SGCZ: variants seen among roughly 807,000 people sequenced by gnomAD.
SGCZ encodes the protein sarcoglycan zeta, also known as zeta-sarcoglycan.
In SGCZ, 40 loss-of-function variants were observed where a neutral mutation model predicts 41.3. That is an observed-to-expected ratio of 0.97 (90% CI 0.75 to 1.26). SGCZ has a LOEUF of 1.26. SGCZ is among the 50% of genes most tolerant of loss of function. The probability of loss-of-function intolerance (pLI) is 0.00; values close to 1 mark genes in which losing one functional copy is unlikely to be tolerated. For missense variants in SGCZ, 552 were observed against 369.8 expected (o/e 1.49, Z -4.04); for synonymous variants, 206 against 137.5 (o/e 1.50, Z -3.49).
intron 1 of SGCZ, among the ~76,000 whole-genome samples, chr8:15,159,012 G>C (rs1799417303): frequency 6.6e-6 from 1 of 152,112 alleles, no homozygotes; most frequent in African/African-American, 2.4e-5. Context: ...ATCAACAGAT[G>C]GCTGCAATCC....
At chr8:14,824,621 C>T (rs954480415) in intron 1 of SGCZ, among the ~76,000 whole-genome samples, 2 of 151,946 alleles carry the variant, frequency 1.3e-5, no homozygotes, top group African/African-American at 4.8e-5. Context: ...AGACCAAGAA[C>T]CTGCCTTTAC....
chr8:14,526,035 T>G (rs1031361929), intron 2 of SGCZ, among the ~76,000 whole-genome samples: 1 of 152,136 alleles, frequency 6.6e-6, no homozygotes, highest in Admixed American at 6.6e-5. Context: ...TTCTGTAAGA[T>G]ATTTTACCTA....
At chr8:14,104,334 C>T (rs905338673) in intron 6 of SGCZ, among the ~76,000 whole-genome samples, 7 of 151,938 alleles carry the variant, frequency 4.6e-5, no homozygotes, top group Non-Finnish European at 8.8e-5. Flanking sequence ...GTCCCTCTAC[C>T]ACCTGGTTTT....
chr8:14,959,300 T>C (rs1585413524), intron 1 of SGCZ, among the ~76,000 whole-genome samples: 1 of 152,262 alleles, frequency 6.6e-6, no homozygotes, highest in East Asian at 1.9e-4. Context: ...TATTCATGAT[T>C]CCTTTATAAC....
intron 1 of SGCZ, among the ~76,000 whole-genome samples, chr8:14,637,392 C>A (rs559726141): frequency 2.9e-4 from 44 of 151,332 alleles, no homozygotes; most frequent in Non-Finnish European, 5.5e-4. Context: ...CGTGATGCTG[C>A]GGTTTGGAGC....
rs573603216 is a variant in SGCZ at position 14,140,165 on chromosome 8, C to T, written c.547+24415G>A. 5.3e-5 allele frequency among the ~76,000 whole-genome samples: 8 copies of T among 152,272 alleles called. No individual in the cohort carries two copies. The South Asian group carries it at 6.2e-4, about 12-fold the overall frequency. On this transcript the variant is annotated intron_variant, in intron 5 of 7. Transcript: ENST00000382080. Reference sequence around the variant, plus strand: ...GTCAATAAACTAGGTATTGATGGAACGTATCTCAAAATAATAAGAGCTATT... The same window carrying T: ...GTCAATAAACTAGGTATTGATGGAATGTATCTCAAAATAATAAGAGCTATT...
At chr8:15,234,617 G>A (rs561362644) in intron 1 of SGCZ, among the ~76,000 whole-genome samples, 2 of 152,240 alleles carry the variant, frequency 1.3e-5, no homozygotes, top group South Asian at 2.1e-4. Context: ...CCTTTAACAT[G>A]CATATTGTTT....
intron 1 of SGCZ, among the ~76,000 whole-genome samples, chr8:15,068,601 C>T (rs1252914976): frequency 6.6e-6 from 1 of 152,148 alleles, no homozygotes; most frequent in African/African-American, 2.4e-5. Context: ...GTTTTACATC[C>T]ATGCTTGCAT....
intron 1 of SGCZ, among the ~76,000 whole-genome samples, chr8:14,739,534 C>G (rs1799139053): frequency 6.6e-6 from 1 of 151,928 alleles, no homozygotes; most frequent in African/African-American, 2.4e-5. Flanking sequence ...TCAAAAATTA[C>G]CCACACACCA....
chr8:15,235,342 C>T (rs1252785974), intron 1 of SGCZ, among the ~76,000 whole-genome samples: 1 of 152,180 alleles, frequency 6.6e-6, no homozygotes, highest in Non-Finnish European at 1.5e-5. Flanking sequence ...GGATCTCAAA[C>T]ATTTTCTAAT....
chr8:15,177,867 G>A (rs531031130), intron 1 of SGCZ, among the ~76,000 whole-genome samples: 2 of 152,240 alleles, frequency 1.3e-5, no homozygotes, highest in East Asian at 3.9e-4. Flanking sequence ...ACTTGGGGAA[G>A]CTATGAACTC....
chr8:14,493,387 T>TTTTTTTTTTTTTTTTTTTTTTTTTTTG (rs1801902695), intron 2 of SGCZ, among the ~76,000 whole-genome samples: 1 of 101,690 alleles, frequency 9.8e-6, no homozygotes. Flanking sequence ...TTTTTTTTTT[T>TTTTTTTTTTTTTTTTTTTTTTTTTTTG]GATGGAGTCT....
intron 1 of SGCZ, among the ~76,000 whole-genome samples, chr8:14,948,024 G>T (rs1232341064): frequency 6.6e-6 from 1 of 152,156 alleles, no homozygotes; most frequent in Admixed American, 6.6e-5. Context: ...CAAGCCTTCT[G>T]AAACTTCTTC....
chr8:14,599,661 A>G (rs376940364), intron 1 of SGCZ, among the ~76,000 whole-genome samples: 4 of 152,260 alleles, frequency 2.6e-5, no homozygotes, highest in African/African-American at 9.6e-5. Context: ...ATATTCATCT[A>G]TACCCATAAA....
At chr8:14,149,759 T>A (rs1052644222) in intron 5 of SGCZ, among the ~76,000 whole-genome samples, 2 of 151,628 alleles carry the variant, frequency 1.3e-5, no homozygotes, top group Non-Finnish European at 2.9e-5. Flanking sequence ...GAGTAATACA[T>A]CACCTGACTT....
chr8:14,131,907 T>A (rs949450772), intron 5 of SGCZ, among the ~76,000 whole-genome samples: 1 of 152,200 alleles, frequency 6.6e-6, no homozygotes, highest in South Asian at 2.1e-4. Flanking sequence ...GGTTATTTTA[T>A]ATAGTCTAGG....
intron 5 of SGCZ, among the ~76,000 whole-genome samples, chr8:14,122,174 G>C (rs1264541554): frequency 6.6e-6 from 1 of 152,230 alleles, no homozygotes; most frequent in East Asian, 1.9e-4. Flanking sequence ...CTACTCGGGA[G>C]GCTGAGGCAG....
At chr8:14,578,382 C>T (rs896438289) in intron 1 of SGCZ, among the ~76,000 whole-genome samples, 1 of 152,132 alleles carries the variant, frequency 6.6e-6, no homozygotes, top group Non-Finnish European at 1.5e-5. Flanking sequence ...AGCATGGGCT[C>T]CTCTCTTCCT....
At chr8:15,108,407 C>T (rs915511376) in intron 1 of SGCZ, among the ~76,000 whole-genome samples, 128 of 152,156 alleles carry the variant, frequency 8.4e-4, no homozygotes, top group African/African-American at 3.0e-3. Flanking sequence ...TATCTTTACA[C>T]ACCTGTAATC....
Sources: gnomAD v4.1 joint callset for allele counts (sites outside exome capture counted in the v4.1 genomes callset) on GRCh38, gnomAD v4.1.1 for gene constraint, MANE v1.5 for transcripts, NCBI Gene and HGNC (gene_info 2026-07-23, HGNC 2026-07-21) for gene names.